Variants in PTPRR observed in about 807,000 individuals in gnomAD.
The protein encoded by PTPRR is protein tyrosine phosphatase receptor type R.
PTPRR carries 38 observed loss-of-function variants against 77.2 expected under a neutral mutation model. The observed-to-expected ratio is 0.49, with a 90% CI of 0.38 to 0.65. The LOEUF is 0.65. PTPRR is among the 30% of genes least tolerant of loss of function. PTPRR has a pLI of 0.00. For synonymous variants in PTPRR, 299 were observed against 283.1 expected (o/e 1.06, Z -0.57); for missense variants, 744 against 799.2 (o/e 0.93, Z 0.83).
chr12:70,682,388 T>C (rs1053382972), intron 10 of PTPRR, among the ~76,000 whole-genome samples: 2 of 152,192 alleles, frequency 1.3e-5, no homozygotes, highest in Non-Finnish European at 2.9e-5. Flanking sequence ...AGGTGCTCAC[T>C]TTATGTAAGG....
chr12:70,721,683 A>G (rs1889258948), intron 6 of PTPRR, among the ~76,000 whole-genome samples: 1 of 152,216 alleles, frequency 6.6e-6, no homozygotes, highest in Non-Finnish European at 1.5e-5. Context: ...AATTCTGCAC[A>G]GTATAGGATT....
intron 2 of PTPRR, among the ~76,000 whole-genome samples, chr12:70,801,749 C>CTATCTATT (rs1396916855): frequency 6.6e-6 from 1 of 152,196 alleles, no homozygotes; most frequent in African/African-American, 2.4e-5. Flanking sequence ...ATAAATCTAT[C>CTATCTATT]TATCTATCTA....
chr12:70,682,074 C>T (rs1235191012), intron 10 of PTPRR, among the ~76,000 whole-genome samples: 10 of 121,576 alleles, frequency 8.2e-5, no homozygotes, highest in Admixed American at 4.1e-4. Flanking sequence ...GACGGAGTCT[C>T]GCTCTGTCGC....
Position 70,881,025 on chromosome 12 carries a change from A to G in PTPRR, c.357+11654T>C, listed in dbSNP as rs538024876. Among the ~76,000 whole-genome samples the G allele has an allele frequency of 5.9e-5, 9 of 152,324 alleles. No individual in the cohort carries two copies. In the East Asian group the frequency reaches 1.7e-3, roughly 29 times the overall value. On this transcript the variant is annotated intron_variant, in intron 2 of 13. Coordinates refer to ENST00000283228, the MANE Select transcript of PTPRR (RefSeq NM_002849.4). ...CACACACAATGACTGCTGATTTTTT[A>G]AAGCCTATATCCAAAGAATTTGCTT...
chr12:70,746,220 T>C (rs1890211808), intron 5 of PTPRR, 134 bp from the exon 6 acceptor site: 3 of 840,956 alleles, frequency 3.6e-6, no homozygotes, highest in African/African-American at 1.7e-5. Flanking sequence ...CTCTGAGAGA[T>C]GATTTCTCAG....
At chr12:70,799,139 A>C (rs1891568903) in intron 2 of PTPRR, among the ~76,000 whole-genome samples, 1 of 152,178 alleles carries the variant, frequency 6.6e-6, no homozygotes, top group Non-Finnish European at 1.5e-5. Context: ...CCATACCTGT[A>C]CACATTAATT....
intron 2 of PTPRR, among the ~76,000 whole-genome samples, chr12:70,783,968 C>A (rs2137001411): frequency 6.6e-6 from 1 of 152,100 alleles, no homozygotes; most frequent in South Asian, 2.1e-4. Context: ...AACCCTGCTC[C>A]CAGATTAGAG....
At chr12:70,645,460 T>C (rs1328436801) in intron 13 of PTPRR, among the ~76,000 whole-genome samples, 1 of 152,220 alleles carries the variant, frequency 6.6e-6, no homozygotes, top group Non-Finnish European at 1.5e-5. Context: ...GGAAGAGTTG[T>C]GGTTCATTGG....
chr12:70,708,458 A>G (rs1888698313), intron 6 of PTPRR, among the ~76,000 whole-genome samples: 1 of 152,152 alleles, frequency 6.6e-6, no homozygotes, highest in African/African-American at 2.4e-5. Context: ...TTAAGCATCA[A>G]TAAAGTCTGA....
chr12:70,754,172 T>C lies in PTPRR; in HGVS notation c.738+19A>G. ...AGTGGGCTGAGCAAAGGATAAAATA[T>C]ACAAAGAAGCAAACTTACCATCAAA... is the stretch of plus-strand genomic sequence containing the variant. On this transcript the variant is annotated intron_variant, in intron 5 of 13. Coordinates refer to ENST00000283228, the MANE Select transcript of PTPRR (RefSeq NM_002849.4). The C allele has an allele frequency of 1.9e-6, 3 of 1,609,110 alleles. No individual in the cohort carries two copies. Among genetic ancestry groups the C allele is most frequent in the Non-Finnish European group, 2.5e-6 (3 of 1,177,688 alleles).
At chr12:70,881,556 A>T (rs186013272) in intron 2 of PTPRR, among the ~76,000 whole-genome samples, 1 of 152,346 alleles carries the variant, frequency 6.6e-6, no homozygotes. Context: ...AAAAGCCTAA[A>T]CCATGTGAAA....
chr12:70,710,875 C>T (rs549298276), intron 6 of PTPRR, among the ~76,000 whole-genome samples: 2 of 152,142 alleles, frequency 1.3e-5, no homozygotes, highest in African/African-American at 4.8e-5. Flanking sequence ...GTTAGAATGG[C>T]TACTATTAAA....
chr12:70,689,141 AT>A (rs1426617962), intron 8 of PTPRR, among the ~76,000 whole-genome samples: 1 of 152,098 alleles, frequency 6.6e-6, no homozygotes, highest in Non-Finnish European at 1.5e-5. Context: ...TAATAATAAT[AT>A]TATATATTTC....
At chr12:70,657,480 G>A (rs1886627912) in intron 12 of PTPRR, among the ~76,000 whole-genome samples, 1 of 152,138 alleles carries the variant, frequency 6.6e-6, no homozygotes, top group Non-Finnish European at 1.5e-5. Context: ...TAGACGATAT[G>A]TCCATAAAAT....
At chr12:70,857,487 C>A (rs562423856) in intron 2 of PTPRR, among the ~76,000 whole-genome samples, 2 of 152,212 alleles carry the variant, frequency 1.3e-5, no homozygotes, top group East Asian at 3.9e-4. Context: ...AGGTGCCTGA[C>A]TTTGAGGCTG....
At chr12:70,802,985 C>CA in intron 2 of PTPRR, among the ~76,000 whole-genome samples, 1 of 152,276 alleles carries the variant, frequency 6.6e-6, no homozygotes, top group Admixed American at 6.5e-5. Flanking sequence ...AAAATATTAT[C>CA]ATGTAGATTT....
chr12:70,833,475 G>A (rs1436410869), intron 2 of PTPRR, among the ~76,000 whole-genome samples: 5 of 152,136 alleles, frequency 3.3e-5, no homozygotes, highest in African/African-American at 1.2e-4. Flanking sequence ...TCAGTGTAAA[G>A]GTGAGCTTGA....
chr12:70,847,260 T>C (rs1892501248), intron 2 of PTPRR, among the ~76,000 whole-genome samples: 1 of 152,242 alleles, frequency 6.6e-6, no homozygotes, highest in Non-Finnish European at 1.5e-5. Context: ...CTTAGCACTT[T>C]GCCTGGCTTG....
intron 2 of PTPRR, among the ~76,000 whole-genome samples, chr12:70,795,257 A>T (rs1307941047): frequency 2.6e-5 from 4 of 152,198 alleles, no homozygotes; most frequent in African/African-American, 9.7e-5. Flanking sequence ...CTTATATTAA[A>T]TTACATCTCC....
Sources: allele counts gnomAD v4.1 joint callset (sites outside exome capture counted in the v4.1 genomes callset), GRCh38; gene constraint gnomAD v4.1.1; transcripts MANE v1.5; gene names NCBI Gene and HGNC (gene_info 2026-07-23, HGNC 2026-07-21).